Variants in HDAC9 observed in about 807,000 individuals in gnomAD.
HDAC9 encodes the protein MEF-2 interacting transcription repressor (MITR) protein.
HDAC9 carries 41 observed loss-of-function variants against 139.4 expected under a neutral mutation model. The observed-to-expected ratio is 0.29, with a 90% CI of 0.23 to 0.38. The LOEUF (loss-of-function observed/expected upper bound fraction) is 0.38, where lower values mean the gene tolerates loss of function less well. HDAC9 is among the 10% of genes least tolerant of loss of function. HDAC9 has a pLI of 1.00. For synonymous variants in HDAC9, 517 were observed against 476.2 expected, an observed-to-expected ratio of 1.09 and a Z score of -1.12; for missense variants, 1,147 against 1,297.0, an observed-to-expected ratio of 0.88 and a Z score of 1.78.
intron 2 of HDAC9, among the ~76,000 whole-genome samples, chr7:18,579,184 C>A (rs949302285): frequency 6.6e-6 from 1 of 151,834 alleles, no homozygotes; most frequent in African/African-American, 2.4e-5. Flanking sequence ...TTAAAGTCTG[C>A]AACAAAGAAC....
At chr7:18,899,796 T>G (rs2129278976) in intron 22 of HDAC9, among the ~76,000 whole-genome samples, 1 of 152,186 alleles carries the variant, frequency 6.6e-6, no homozygotes, top group East Asian at 1.9e-4. Flanking sequence ...ATATCCACAC[T>G]AATCACATCT....
intron 12 of HDAC9, among the ~76,000 whole-genome samples, chr7:18,681,017 T>C (rs115951397): frequency 4.0e-4 from 61 of 152,126 alleles, no homozygotes; most frequent in African/African-American, 1.3e-3. Context: ...TAATACAGGA[T>C]TGAGATGATT....
chr7:18,668,283 A>G, intron 12 of HDAC9: 1 of 960,926 alleles, frequency 1.0e-6, no homozygotes, highest in Non-Finnish European at 1.2e-6. Context: ...TATCACCAAC[A>G]TATTTTGGTT....
chr7:18,166,367 G>T lies in HDAC9; in HGVS notation c.25+4018G>T, dbSNP rs78302506. Among the ~76,000 whole-genome samples, 859 of 152,218 alleles carry T rather than the reference G, an allele frequency of 5.6e-3. 4 individuals carry two copies. The highest frequency in any genetic ancestry group is 0.02 in the African/African-American group (824 of 41,534). Reference sequence around the variant, plus strand: ...ACCAAGCTATTTATAGAAGTGAAAGGTTTATAGCAAGATCTTATATTCTGT... The same window carrying T: ...ACCAAGCTATTTATAGAAGTGAAAGTTTTATAGCAAGATCTTATATTCTGT... On this transcript the variant is annotated intron_variant, in intron 2 of 12. Transcript: ENST00000417496.
intron 17 of HDAC9, among the ~76,000 whole-genome samples, chr7:18,812,643 T>C (rs1025556638): frequency 5.3e-5 from 8 of 151,978 alleles, no homozygotes; most frequent in South Asian, 2.1e-4. Context: ...CCTCTTTTTT[T>C]TTCCGGTTGA....
chr7:18,409,785 C>G (rs1048545841), intron 1 of HDAC9, among the ~76,000 whole-genome samples: 2 of 152,086 alleles, frequency 1.3e-5, no homozygotes, highest in Non-Finnish European at 2.9e-5. Flanking sequence ...TTTGGAAACT[C>G]TATTTTCTTA....
intron 2 of HDAC9, among the ~76,000 whole-genome samples, chr7:18,266,248 C>T (rs1179249634): frequency 6.6e-6 from 1 of 152,138 alleles, no homozygotes; most frequent in East Asian, 1.9e-4. Flanking sequence ...GGCCAACGCA[C>T]AATTTCAAAA....
intron 1 of HDAC9, among the ~76,000 whole-genome samples, chr7:18,452,245 AC>A (rs1792939029): frequency 2.0e-5 from 3 of 152,182 alleles, no homozygotes; most frequent in Non-Finnish European, 4.4e-5. Flanking sequence ...AAGACCAGGA[AC>A]AACCAAAATG....
chr7:18,429,828 A>C lies in HDAC9; in HGVS notation c.-41-66434A>C, dbSNP rs900621010. On this transcript the variant is annotated intron_variant, in intron 1 of 3. Transcript: ENST00000413509. ...CTGACAAAGAATACACATTTTTCTC[A>C]GTGGACTGAATTCTTCTTTAAATTA... Among the ~76,000 whole-genome samples the C allele has an allele frequency of 2.6e-5, 4 of 152,314 alleles. No individual in the cohort carries two copies. The South Asian group carries it at 8.3e-4, about 32-fold the overall frequency.
intron 2 of HDAC9, among the ~76,000 whole-genome samples, chr7:18,257,602 G>A (rs994891105): frequency 6.6e-6 from 1 of 152,052 alleles, no homozygotes; most frequent in Admixed American, 6.5e-5. Context: ...TATAAGATTG[G>A]CACTGTCTGT....
intron 1 of HDAC9, among the ~76,000 whole-genome samples, chr7:18,100,908 G>T (rs975664751): frequency 7.2e-5 from 11 of 151,978 alleles, no homozygotes; most frequent in Non-Finnish European, 1.5e-5. Context: ...GAAACAGCTT[G>T]ATCCTTTCAG....
At chr7:18,792,721 A>G (rs946513935) in intron 16 of HDAC9, among the ~76,000 whole-genome samples, 2 of 152,212 alleles carry the variant, frequency 1.3e-5, no homozygotes, top group Non-Finnish European at 2.9e-5. Context: ...TCTTAAGCTT[A>G]TACTTTGAAC....
intron 1 of HDAC9, among the ~76,000 whole-genome samples, chr7:18,391,183 G>A (rs1481496753): frequency 2.0e-5 from 3 of 151,004 alleles, no homozygotes; most frequent in Non-Finnish European, 3.0e-5. Flanking sequence ...TCAGGAGTTC[G>A]GGACCAGCCT....
intron 1 of HDAC9, among the ~76,000 whole-genome samples, chr7:18,140,222 G>C (rs188051496): frequency 8.5e-5 from 13 of 152,256 alleles, no homozygotes; most frequent in Non-Finnish European, 1.6e-4. Flanking sequence ...AGGACCTTCT[G>C]ATAGGAAAAC....
intron 2 of HDAC9, among the ~76,000 whole-genome samples, chr7:18,211,228 G>A (rs1163256274): frequency 1.3e-5 from 2 of 152,092 alleles, no homozygotes; most frequent in Non-Finnish European, 2.9e-5. Flanking sequence ...CATACCTTTG[G>A]GCTTGTATGA....
intron 2 of HDAC9, among the ~76,000 whole-genome samples, chr7:18,201,726 C>CT (rs1791144362): frequency 6.6e-6 from 1 of 152,212 alleles, no homozygotes; most frequent in South Asian, 2.1e-4. Flanking sequence ...CTTCTTTTCT[C>CT]TTGCTTTAGC....
intron 6 of HDAC9, among the ~76,000 whole-genome samples, chr7:18,619,102 A>G (rs1264028299): frequency 6.6e-6 from 1 of 152,138 alleles, no homozygotes; most frequent in East Asian, 1.9e-4. Flanking sequence ...TAAAGCATAT[A>G]AAGGAGTTAG....
At chr7:18,942,980 T>C (rs911486015) in intron 23 of HDAC9, among the ~76,000 whole-genome samples, 12 of 151,866 alleles carry the variant, frequency 7.9e-5, no homozygotes, top group African/African-American at 2.4e-5. Context: ...AATATAAAAT[T>C]AGCAGATTAA....
chr7:18,564,113 G>T (rs1821498597), intron 2 of HDAC9, among the ~76,000 whole-genome samples: 1 of 152,122 alleles, frequency 6.6e-6, no homozygotes, highest in African/African-American at 2.4e-5. Context: ...GGGATTACAG[G>T]TGTGAGCCAC....
Sources: gnomAD v4.1 joint callset for allele counts (sites outside exome capture counted in the v4.1 genomes callset) on GRCh38, gnomAD v4.1.1 for gene constraint, MANE v1.5 for transcripts, NCBI Gene and HGNC (gene_info 2026-07-23, HGNC 2026-07-21) for gene names.